Variants in PITPNM3 observed in about 807,000 individuals in gnomAD.
The protein encoded by PITPNM3 is membrane-associated phosphatidylinositol transfer protein 3.
In PITPNM3, 26 loss-of-function variants were observed where a neutral mutation model predicts 102.0. The observed-to-expected ratio is 0.25, with a 90% confidence interval of 0.19 to 0.35. The LOEUF is 0.35. Ranked by LOEUF, PITPNM3 falls within the 10% of genes least tolerant of loss-of-function variation. The pLI, the probability that PITPNM3 is intolerant of heterozygous loss-of-function variation, is 1.00. For synonymous variants in PITPNM3, 578 were observed against 558.6 expected, an observed-to-expected ratio of 1.03 and a Z score of -0.49; for missense variants, 1,083 against 1,346.1, an observed-to-expected ratio of 0.80 and a Z score of 3.06.
intron 6 of PITPNM3, among the ~76,000 whole-genome samples, chr17:6,482,517 G>A (rs1905801916): frequency 1.3e-5 from 2 of 152,134 alleles, no homozygotes; most frequent in East Asian, 1.9e-4. Flanking sequence ...AGTTCTGTGA[G>A]CCGATCTAGC....
chr17:6,491,529 G>C (rs1193804853), intron 4 of PITPNM3, among the ~76,000 whole-genome samples: 1 of 152,172 alleles, frequency 6.6e-6, no homozygotes, highest in Non-Finnish European at 1.5e-5. Context: ...TCTGGCTGAA[G>C]CAGGCTGGGG....
At chr17:6,524,768 T>C (rs1031137219) in intron 3 of PITPNM3, among the ~76,000 whole-genome samples, 6 of 152,200 alleles carry the variant, frequency 3.9e-5, no homozygotes, top group Admixed American at 3.3e-4. Flanking sequence ...AGGTGCTCAA[T>C]GAGCCTGTTA....
At position 6,537,858 on chromosome 17, in the gene PITPNM3, A is replaced by T. The variant is rs1425558067; in HGVS notation, c.118+129T>A. On this transcript the variant is annotated intron_variant, in intron 2 of 19. Transcript: ENST00000262483. This position sits in a 1 kb window ranked among gnomAD's most constrained non-coding sequence, Gnocchi z 4.4. ...CTCTTGGCACATCCACAGGATGGGT[A>T]AGTATGGAGTGTGGAGCTGCAGATA... is the stretch of plus-strand genomic sequence containing the variant. 2 of 790,030 alleles carry T rather than the reference A, an allele frequency of 2.5e-6. No homozygotes were observed. The highest frequency in any genetic ancestry group is 3.4e-5 in the African/African-American group (2 of 58,520). 48.9% of individuals were successfully genotyped at this position (790,030 alleles called of 1,614,324 possible).
At chr17:6,486,638 G>A (rs777862730) in intron 4 of PITPNM3, among the ~76,000 whole-genome samples, 2 of 152,124 alleles carry the variant, frequency 1.3e-5, no homozygotes, top group East Asian at 1.9e-4. Context: ...CCTGGGGCCC[G>A]GCTGTGCCCA....
At chr17:6,539,938 T>A (rs1024260616) in intron 1 of PITPNM3, among the ~76,000 whole-genome samples, 6 of 152,096 alleles carry the variant, frequency 3.9e-5, no homozygotes, top group African/African-American at 1.4e-4. Flanking sequence ...CAGCTGAGGA[T>A]TTATCTGGAT....
At chr17:6,535,306 TGGCTG>T (rs145456142) in intron 2 of PITPNM3, among the ~76,000 whole-genome samples, 3 of 151,948 alleles carry the variant, frequency 2.0e-5, no homozygotes, top group African/African-American at 2.4e-5. Flanking sequence ...CACAGAGCAC[TGGCTG>T]GGCTGGGCTG....
chr17:6,491,403 A>G lies in PITPNM3; in HGVS notation c.275-7111T>C, dbSNP rs1031123079. Reference sequence around the variant, plus strand: ...GACCAACAGCCAGTAGCAGATGCGGATGGAACAGCGTGAAGCTGTTCTGAA... The same window carrying G: ...GACCAACAGCCAGTAGCAGATGCGGGTGGAACAGCGTGAAGCTGTTCTGAA... On this transcript the variant is annotated intron_variant, in intron 4 of 19. Coordinates refer to ENST00000262483, the MANE Select transcript of PITPNM3 (RefSeq NM_031220.4). Among the ~76,000 whole-genome samples, 13 of 152,210 alleles carry G rather than the reference A, an allele frequency of 8.5e-5. No homozygotes were observed. The South Asian group carries it at 1.2e-3, about 15-fold the overall frequency.
intron 15 of PITPNM3, 82 bp downstream of exon 15, chr17:6,464,573 C>T (rs951012494): frequency 1.4e-6 from 2 of 1,411,744 alleles, no homozygotes; most frequent in Non-Finnish European, 2.0e-6. Context: ...CTCTTGACAC[C>T]CTCACCCCAC....
chr17:6,484,107 C>A, intron 5 of PITPNM3, 109 bp downstream of exon 5: 1 of 1,248,830 alleles, frequency 8.0e-7, no homozygotes, highest in East Asian at 2.3e-5. Context: ...GGTCACACAG[C>A]AAGTCAGACG....
chr17:6,507,264 C>A (rs905202718), intron 3 of PITPNM3, among the ~76,000 whole-genome samples: 6 of 152,212 alleles, frequency 3.9e-5, no homozygotes, highest in African/African-American at 1.4e-4. Flanking sequence ...CACACATATG[C>A]ACTGTCCCGT....
chr17:6,526,674 C>A (rs1418201401), intron 2 of PITPNM3, among the ~76,000 whole-genome samples: 2 of 152,144 alleles, frequency 1.3e-5, no homozygotes, highest in Non-Finnish European at 2.9e-5. Flanking sequence ...CTTATCTAAC[C>A]GTTACCATAC....
chr17:6,453,161 C>T lies in PITPNM3; in HGVS notation c.*2177G>A, dbSNP rs1913943939. 1 of 151,870 alleles carries T rather than the reference C, an allele frequency of 6.6e-6. No homozygotes were observed. The highest frequency in any genetic ancestry group is 2.4e-5 in the African/African-American group (1 of 41,300). 9.4% of individuals were successfully genotyped at this position (151,870 alleles called of 1,614,324 possible). Reference sequence around the variant, plus strand: ...TCTCTCTCCCTCTCTCTCTTTCTCTCTCCCTCTCCCTCTCTCGCCTAGCCT... The same window carrying T: ...TCTCTCTCCCTCTCTCTCTTTCTCTTTCCCTCTCCCTCTCTCGCCTAGCCT... On this transcript the variant is annotated 3_prime_UTR_variant, in exon 20 of 20. Transcript: ENST00000262483.
chr17:6,521,366 C>T (rs1908503804), intron 3 of PITPNM3: 1 of 152,162 alleles, frequency 6.6e-6, no homozygotes, highest in Admixed American at 6.5e-5. Flanking sequence ...GAGCCAAGAT[C>T]ACACAACTGT....
intron 1 of PITPNM3, among the ~76,000 whole-genome samples, chr17:6,550,860 G>A (rs890082409): frequency 6.6e-6 from 1 of 152,210 alleles, no homozygotes; most frequent in Admixed American, 6.5e-5. Flanking sequence ...CAGGCTTGAG[G>A]TGGAACCTCT....
chr17:6,465,571 A>G (rs369946005), intron 14 of PITPNM3, among the ~76,000 whole-genome samples: 7 of 152,292 alleles, frequency 4.6e-5, no homozygotes, highest in South Asian at 2.1e-4. Flanking sequence ...TCGTGTTCCC[A>G]GCACCTGCTC....
At position 6,478,475 on chromosome 17, in the gene PITPNM3, A is replaced by G. The variant is rs569507511; in HGVS notation, c.777+72T>C. ...ACAGCCTGGCCTTGGCCCTTTCAGTAGATTCCAGCCTCTCTCCCAGGCCGG... is the reference window on the plus strand; with the variant it reads ...ACAGCCTGGCCTTGGCCCTTTCAGTGGATTCCAGCCTCTCTCCCAGGCCGG... On this transcript the variant is annotated intron_variant, in intron 7 of 19. Transcript: ENST00000262483. This position sits in a 1 kb window ranked among gnomAD's most constrained non-coding sequence, Gnocchi z 4.4. 4,808 of 1,570,680 alleles carry G rather than the reference A, an allele frequency of 3.1e-3. 13 individuals are homozygous for G. The highest frequency in any genetic ancestry group is 3.9e-3 in the Non-Finnish European group (4,484 of 1,146,016).
At chr17:6,489,367 C>T (rs1486491737) in intron 4 of PITPNM3, among the ~76,000 whole-genome samples, 1 of 150,906 alleles carries the variant, frequency 6.6e-6, no homozygotes, top group African/African-American at 2.4e-5. Flanking sequence ...CCAAGCAGAG[C>T]TGGGCCCAGC....
chr17:6,505,617 A>G (rs191857730), intron 3 of PITPNM3, among the ~76,000 whole-genome samples: 3 of 152,350 alleles, frequency 2.0e-5, no homozygotes, highest in East Asian at 3.9e-4. Context: ...GACCAGCACC[A>G]TGTCTGAGCA....
chr17:6,483,734 A>G lies in PITPNM3; in HGVS notation c.370T>C (p.Ser124Pro). The change falls in exon 6 of 20, where the codon TCC becomes CCC. Residue 124 changes from serine to proline, a missense_variant. Transcript: ENST00000262483. ...AGCAGGAGGACATGTGTCTTGCAGG[A>G]GCGCTGCGGGCAGCCTTCCTGAGAG... ...EDSEEGCPQR[S>P]CKTHVLLLVL... The G allele has an allele frequency of 1.2e-6, 2 of 1,613,280 alleles. No homozygotes were observed. The highest frequency in any genetic ancestry group is 1.7e-6 in the Non-Finnish European group (2 of 1,180,032).
Sources: gnomAD v4.1 joint callset for allele counts (sites outside exome capture counted in the v4.1 genomes callset) on GRCh38, gnomAD v4.1.1 for gene constraint, Gnocchi (gnomAD v3.1) non-coding constraint, MANE v1.5 for transcripts, NCBI Gene and HGNC (gene_info 2026-07-23, HGNC 2026-07-21) for gene names.